NR2E1: variants seen among roughly 807,000 people sequenced by gnomAD.
NR2E1 encodes the protein nuclear receptor subfamily 2 group E member 1.
A neutral mutation model predicts 43.6 loss-of-function variants in NR2E1; 5 were observed. That is an observed-to-expected ratio of 0.11 (90% CI 0.06 to 0.24). The LOEUF (loss-of-function observed/expected upper bound fraction) is 0.24. Among genes scored for constraint, NR2E1 ranks in the 10% least tolerant of loss-of-function variants. The probability of loss-of-function intolerance (pLI) is 1.00; values close to 1 mark genes in which losing one functional copy is unlikely to be tolerated. For synonymous variants in NR2E1, 191 were observed against 195.5 expected (o/e 0.98, Z 0.19); for missense variants, 287 against 496.7 (o/e 0.58, Z 4.01).
At chr6:108,170,459 C>T (rs1773792412) in intron 1 of NR2E1, among the ~76,000 whole-genome samples, 1 of 151,884 alleles carries the variant, frequency 6.6e-6, no homozygotes, top group South Asian at 2.1e-4. Context: ...CCTTTCTAAA[C>T]GGCCAAATAT....
chr6:108,166,478 A>G lies in NR2E1; in HGVS notation c.-288A>G. ...TCCTTCTTCCTCAGTCTTCCTGTCC[A>G]TCTCTCCATCTGTCTGTCCATGTGT... On this transcript the variant is annotated 5_prime_UTR_variant, in exon 1 of 9. Transcript: ENST00000368986. This position sits in a 1 kb window ranked among gnomAD's most constrained non-coding sequence, Gnocchi z 7.2. 2.5e-6 allele frequency: 1 copy of G among 402,294 alleles called. No homozygotes were observed. The allele number at this position is 402,294 out of a possible 1,614,324, so 24.9% of individuals were successfully genotyped here.
chr6:108,187,186 G>A, intron 8 of NR2E1, 115 bp from the exon 9 acceptor site: 1 of 1,230,076 alleles, frequency 8.1e-7, no homozygotes, highest in Non-Finnish European at 1.2e-6. Flanking sequence ...GGGATACTGT[G>A]TTATTCAAGA....
At chr6:108,168,538 T>C (rs1394369928) in intron 1 of NR2E1, among the ~76,000 whole-genome samples, 1 of 152,238 alleles carries the variant, frequency 6.6e-6, no homozygotes, top group South Asian at 2.1e-4. Flanking sequence ...GCGGAAACTT[T>C]GGCCGTTCTA....
chr6:108,187,615 A>G lies in NR2E1; in HGVS notation c.*152A>G. On this transcript the variant is annotated 3_prime_UTR_variant, in exon 9 of 9. Coordinates refer to ENST00000368986, the MANE Select transcript of NR2E1 (RefSeq NM_003269.5). ...AATGCCAATTGACACAAAGCATTCC[A>G]GTAGCTATGACCTGCCGCCCTGACC... is the stretch of plus-strand genomic sequence containing the variant. The G allele has an allele frequency of 1.2e-6, 1 of 842,486 alleles. No individual in the cohort carries two copies. The highest frequency in any genetic ancestry group is 1.9e-6 in the Non-Finnish European group (1 of 513,242). 52.2% of individuals were successfully genotyped at this position (842,486 alleles called of 1,614,324 possible).
rs183607859 is a variant in NR2E1 at position 108,166,847 on chromosome 6, G to T, written c.25+57G>T. 6.7e-7 allele frequency: 1 copy of T among 1,495,604 alleles called. No homozygotes were observed. Among genetic ancestry groups the T allele is most frequent in the South Asian group, 1.2e-5 (1 of 83,766 alleles). The allele number at this position is 1,495,604 out of a possible 1,614,324, so 92.6% of individuals were successfully genotyped here. On this transcript the variant is annotated intron_variant, in intron 1 of 8. Coordinates refer to ENST00000368986, the MANE Select transcript of NR2E1 (RefSeq NM_003269.5). The surrounding 1 kb of genome is among the most constrained non-coding windows in gnomAD (Gnocchi z 7.2). Reference sequence around the variant, plus strand: ...GGCGCGCAGCCTGGGGCGAGCGAGCGGGGAGGCTGGGGGAGGTCCTGCCTG... The same window carrying T: ...GGCGCGCAGCCTGGGGCGAGCGAGCTGGGAGGCTGGGGGAGGTCCTGCCTG...
In NR2E1 at chr6:108,180,341, G is replaced by A; in HGVS notation, c.661G>A (p.Ala221Thr). 1.2e-6 allele frequency: 2 copies of A among 1,611,466 alleles called. No homozygotes were observed. Among genetic ancestry groups the A allele is most frequent in the Non-Finnish European group, 1.7e-6 (2 of 1,177,678 alleles). ...LQDQLMLLEDAWRELFVLGIA... is the reference protein window; with the variant it reads ...LQDQLMLLEDTWRELFVLGIA... ...ATGACAGCTGATGCTTTTGGAAGAT[G>A]CTTGGAGAGAACTGTTTGTTCTAGG... The change falls in exon 6 of 9, where the codon GCT becomes ACT. Residue 221 changes from alanine to threonine, a missense_variant. Physicochemically the swap from Ala to Thr is moderately conservative, Grantham distance 58. This residue lies in a region of NR2E1 where 3 missense variants were observed against 21.7 expected (regional missense o/e 0.14). Coordinates refer to ENST00000368986, the MANE Select transcript of NR2E1 (RefSeq NM_003269.5). The surrounding 1 kb of genome is among the most constrained non-coding windows in gnomAD (Gnocchi z 5.4).
chr6:108,176,674 T>C lies in NR2E1; in HGVS notation c.431T>C (p.Leu144Pro), dbSNP rs1316053463. Reference sequence around the variant, plus strand: ...CAGCTGGAGCCGCACGGCCTGGAGCTGGCCGCGGTGTCCACCACTCCAGAG... The same window carrying C: ...CAGCTGGAGCCGCACGGCCTGGAGCCGGCCGCGGTGTCCACCACTCCAGAG... ...VTQLEPHGLE[L>P]AAVSTTPERQ... Residue 144 changes from leucine (L) to proline (P), a missense_variant, in exon 4 of 9, where the codon CTG becomes CCG. Leu to Pro is a moderately conservative substitution (Grantham distance 98, BLOSUM62 -3). Around this residue, in one of 4 missense-constraint regions of NR2E1, gnomAD observed 119 missense variants for 155.7 expected, o/e 0.76. Transcript: ENST00000368986. The C allele has an allele frequency of 6.9e-6, 11 of 1,601,128 alleles. No individual in the cohort carries two copies. In the Admixed American group the frequency reaches 1.9e-4, roughly 27 times the overall value.
rs559952333 is a variant in NR2E1, at chr6:108,169,740, G to A, written c.26-1718G>A. 4.2e-4 allele frequency among the ~76,000 whole-genome samples: 64 copies of A among 152,080 alleles called. No homozygotes were observed. The highest frequency in any genetic ancestry group is 1.2e-3 in the Admixed American group (18 of 15,290). On this transcript the variant is annotated intron_variant, in intron 1 of 8. Transcript: ENST00000368986. This position sits in a 1 kb window ranked among gnomAD's most constrained non-coding sequence, Gnocchi z 6.1. ...CTGTGCCCTTGCCTGGCCCTCTCCA[G>A]CCCCTCCCTCCCACAGCACAATCTC...
chr6:108,172,852 G>T (rs1186292009), intron 2 of NR2E1, among the ~76,000 whole-genome samples: 2 of 152,094 alleles, frequency 1.3e-5, no homozygotes, highest in Non-Finnish European at 2.9e-5. Flanking sequence ...TGTTTAATTG[G>T]CTACTGTATC....
At chr6:108,167,921 C>A in intron 1 of NR2E1, 4 of 1,281,762 alleles carry the variant, frequency 3.1e-6, no homozygotes, top group Non-Finnish European at 4.3e-6. Flanking sequence ...TTCCCGCCCT[C>A]CTACCCCCCT....
chr6:108,186,963 G>A (rs960972492), intron 8 of NR2E1, among the ~76,000 whole-genome samples: 6 of 152,084 alleles, frequency 3.9e-5, no homozygotes, highest in Non-Finnish European at 8.8e-5. Context: ...TGCCCTGGTC[G>A]TTTTCTATAA....
chr6:108,172,267 G>A (rs1301902391), intron 2 of NR2E1, among the ~76,000 whole-genome samples: 1 of 152,216 alleles, frequency 6.6e-6, no homozygotes, highest in East Asian at 1.9e-4. Context: ...GGCAGGGTGA[G>A]GAAGAAGAGA....
At position 108,168,204 on chromosome 6, in the gene NR2E1, G is replaced by A. The variant is rs143332411; in HGVS notation, c.25+1414G>A. 2.1e-4 allele frequency: 321 copies of A among 1,549,214 alleles called. 1 individual carries two copies. In the African/African-American group the frequency reaches 3.8e-3, roughly 18 times the overall value. On this transcript the variant is annotated intron_variant, in intron 1 of 8. Transcript: ENST00000368986. ...TTTTGTTGCCCGCATTCCCGGGCGT[G>A]AGTGTCCTTCCCAGGAGGCTCAGGA...
chr6:108,168,427 G>A (rs1450212901), intron 1 of NR2E1, among the ~76,000 whole-genome samples: 1 of 152,238 alleles, frequency 6.6e-6, no homozygotes, highest in Non-Finnish European at 1.5e-5. Context: ...CGAGGGAGGG[G>A]TGAGCGGGGA....
intron 1 of NR2E1, among the ~76,000 whole-genome samples, chr6:108,170,547 T>G (rs1582441588): frequency 8.7e-5 from 12 of 138,274 alleles, no homozygotes; most frequent in South Asian, 2.3e-4. Flanking sequence ...TCTCTTGAGG[T>G]GGGGTCCATG....
At chr6:108,173,152 G>A (rs533712511) in intron 2 of NR2E1, among the ~76,000 whole-genome samples, 1 of 152,292 alleles carries the variant, frequency 6.6e-6, no homozygotes, top group South Asian at 2.1e-4. Context: ...CTTGCAAGGA[G>A]AGTAAATGAT....
intron 7 of NR2E1, among the ~76,000 whole-genome samples, 161 bp from the exon 8 acceptor site, chr6:108,181,385 G>C (rs1049553259): frequency 6.6e-6 from 1 of 152,054 alleles, no homozygotes; most frequent in South Asian, 2.1e-4. Context: ...GTAGAAACAG[G>C]GTTTCACCAT....
chr6:108,176,844 A>T, intron 4 of NR2E1, 106 bp downstream of exon 4: 1 of 1,102,254 alleles, frequency 9.1e-7, no homozygotes, highest in South Asian at 1.5e-5. Flanking sequence ...TGGGGAGAGA[A>T]CTCCAGGGTG....
chr6:108,170,286 A>G (rs139613766), intron 1 of NR2E1, among the ~76,000 whole-genome samples: 49 of 152,364 alleles, frequency 3.2e-4, no homozygotes, highest in African/African-American at 1.1e-3. Flanking sequence ...GCAAGTGTTA[A>G]TAAGTCAATT....
Sources: allele counts gnomAD v4.1 joint callset (sites outside exome capture counted in the v4.1 genomes callset), GRCh38; gene constraint gnomAD v4.1.1; regional missense constraint gnomAD v4.1.1; non-coding constraint Gnocchi (gnomAD v3.1); transcripts MANE v1.5; gene names NCBI Gene and HGNC (gene_info 2026-07-23, HGNC 2026-07-21).